TCF4: variants seen among roughly 807,000 people sequenced by gnomAD.
The protein encoded by TCF4 is SL3-3 enhancer factor 2.
TCF4 carries 3 observed loss-of-function variants against 82.1 expected under a neutral mutation model. The observed-to-expected ratio is 0.04, with a 90% CI of 0.02 to 0.09. The LOEUF (loss-of-function observed/expected upper bound fraction) is 0.09, where lower values mean the gene tolerates loss of function less well. Ranked by LOEUF, TCF4 falls within the 10% of genes least tolerant of loss-of-function variation. TCF4 has a pLI of 1.00. For missense variants in TCF4, 518 were observed against 852.7 expected (o/e 0.61, Z 4.89); for synonymous variants, 276 against 309.6 (o/e 0.89, Z 1.14).
intron 5 of TCF4, among the ~76,000 whole-genome samples, chr18:55,425,576 T>C (rs2094945099): frequency 6.6e-6 from 1 of 151,900 alleles, no homozygotes; most frequent in African/African-American, 2.4e-5. Context: ...GGGATCACCT[T>C]GTGTTTTGAA....
intron 5 of TCF4, among the ~76,000 whole-genome samples, chr18:55,413,782 A>T (rs2094437755): frequency 1.3e-5 from 2 of 152,234 alleles, no homozygotes; most frequent in Admixed American, 6.5e-5. Context: ...TATAAAAAGT[A>T]TGCAAGAAAA....
At chr18:55,510,759 C>T (rs529023852) in intron 3 of TCF4, 1 of 1,293,828 alleles carries the variant, frequency 7.7e-7, no homozygotes, top group African/African-American at 1.5e-5. Flanking sequence ...GGAAACAGAA[C>T]ATGAGTTAAT....
chr18:55,307,958 C>T (rs1685089910), intron 8 of TCF4, among the ~76,000 whole-genome samples: 1 of 152,242 alleles, frequency 6.6e-6, no homozygotes, highest in Admixed American at 6.5e-5. Flanking sequence ...TAGCCTAGGG[C>T]TAGCCCATTC....
chr18:55,418,845 A>T (rs1217828491), intron 5 of TCF4, among the ~76,000 whole-genome samples: 1 of 152,194 alleles, frequency 6.6e-6, no homozygotes, highest in Non-Finnish European at 1.5e-5. Flanking sequence ...AAAAGTAGCC[A>T]AATTCTTTGG....
At chr18:55,520,856 A>G (rs534861346) in intron 3 of TCF4, among the ~76,000 whole-genome samples, 1 of 152,232 alleles carries the variant, frequency 6.6e-6, no homozygotes, top group Non-Finnish European at 1.5e-5. Context: ...ATTTATGTAG[A>G]AAGATTTCAC....
intron 3 of TCF4, among the ~76,000 whole-genome samples, chr18:55,488,947 A>G (rs1029665955): frequency 1.3e-5 from 2 of 152,086 alleles, no homozygotes; most frequent in African/African-American, 4.8e-5. Flanking sequence ...TAATCCTCCA[A>G]TTTACCCCAC....
intron 5 of TCF4, among the ~76,000 whole-genome samples, chr18:55,412,214 C>T (rs978471675): frequency 2.6e-5 from 4 of 152,086 alleles, no homozygotes; most frequent in Admixed American, 1.3e-4. Context: ...CACCTATTTA[C>T]GCAGAGTTTT....
At chr18:55,538,024 G>GTGCACA (rs2097133106) in intron 3 of TCF4, among the ~76,000 whole-genome samples, 1 of 125,610 alleles carries the variant, frequency 8.0e-6, no homozygotes, top group East Asian at 3.5e-4. Context: ...GTCTGCGCGC[G>GTGCACA]CGCACACACA....
At chr18:55,272,322 A>G (rs1046787075) in intron 10 of TCF4, among the ~76,000 whole-genome samples, 3 of 152,122 alleles carry the variant, frequency 2.0e-5, no homozygotes, top group Admixed American at 6.6e-5. Flanking sequence ...TCATTCAGAG[A>G]TGTAATAAAT....
chr18:55,243,254 T>C (rs1599854665), intron 15 of TCF4, among the ~76,000 whole-genome samples: 1 of 152,348 alleles, frequency 6.6e-6, no homozygotes, highest in African/African-American at 2.4e-5. Context: ...TGTGTTAACA[T>C]GTGTTTTCAT....
At chr18:55,256,273 T>G (rs1439618291) in intron 14 of TCF4, among the ~76,000 whole-genome samples, 1 of 152,144 alleles carries the variant, frequency 6.6e-6, no homozygotes, top group East Asian at 1.9e-4. Context: ...ACACCCCGTC[T>G]TTACAGTTCT....
In TCF4 at chr18:55,225,324, T is replaced by C. The variant is rs1051733702; in HGVS notation, c.*2711A>G. ...TATAAAGCACCAATTTAAAAAATAATCAAATGACTACAATTTACTTTTTTG... is the reference window on the plus strand; with the variant it reads ...TATAAAGCACCAATTTAAAAAATAACCAAATGACTACAATTTACTTTTTTG... On this transcript the variant is annotated 3_prime_UTR_variant, in exon 20 of 20. Coordinates refer to ENST00000354452, the MANE Select transcript of TCF4 (RefSeq NM_001083962.2). 6.6e-6 allele frequency: 1 copy of C among 152,122 alleles called. No homozygotes were observed. Among genetic ancestry groups the C allele is most frequent in the Admixed American group, 6.6e-5 (1 of 15,210 alleles). 9.4% of individuals were successfully genotyped at this position (152,122 alleles called of 1,614,324 possible). A position where few individuals can be genotyped will look rare whatever the true frequency, so the allele number is the denominator to read the frequency against.
chr18:55,573,998 G>T (rs2097502852), intron 3 of TCF4, among the ~76,000 whole-genome samples: 1 of 152,166 alleles, frequency 6.6e-6, no homozygotes, highest in South Asian at 2.1e-4. Flanking sequence ...AGATAAGCAT[G>T]TATATCTAGT....
rs796612187 is a variant in TCF4, at chr18:55,505,725, A to G, written c.146-41588T>C. Among the ~76,000 whole-genome samples the G allele has an allele frequency of 7.6e-3, 1,125 of 147,922 alleles. 23 individuals are homozygous for G. The highest frequency in any genetic ancestry group is 0.026 in the African/African-American group (1,065 of 40,292). On this transcript the variant is annotated intron_variant, in intron 3 of 19. Coordinates refer to ENST00000354452, the MANE Select transcript of TCF4 (RefSeq NM_001083962.2). The stretch of plus-strand genomic sequence containing the variant: ...GGGCTGAGGCAGGAGAATGGCGTGA[A>G]CCCGGGAGGCGGAGCTTGCAGTGAG...
At chr18:55,584,019 A>C (rs566521174) in intron 3 of TCF4, among the ~76,000 whole-genome samples, 2 of 152,248 alleles carry the variant, frequency 1.3e-5, no homozygotes, top group East Asian at 1.9e-4. Flanking sequence ...TGTGCACCAG[A>C]AAACTAAAAT....
At chr18:55,622,545 TATC>T (rs1045337675) in intron 2 of TCF4, among the ~76,000 whole-genome samples, 4 of 151,864 alleles carry the variant, frequency 2.6e-5, no homozygotes, top group African/African-American at 9.7e-5. Flanking sequence ...TTGTTTAGTT[TATC>T]ATAATAGTGA....
chr18:55,459,486 G>A lies in TCF4; in HGVS notation c.304+1533C>T, dbSNP rs1334205151. Among the ~76,000 whole-genome samples, 5 of 152,140 alleles carry A rather than the reference G, an allele frequency of 3.3e-5. No individual in the cohort carries two copies. The East Asian group carries it at 7.7e-4, about 23-fold the overall frequency. On this transcript the variant is annotated intron_variant, in intron 5 of 19. Coordinates refer to ENST00000354452, the MANE Select transcript of TCF4 (RefSeq NM_001083962.2). ...TTTTTCTTACTGTAGCTCATTGGAG[G>A]ATCATTTTAGGATCCAAGGAAGTTA...
chr18:55,238,807 C>T (rs2050316398), intron 15 of TCF4, among the ~76,000 whole-genome samples: 1 of 152,114 alleles, frequency 6.6e-6, no homozygotes, highest in South Asian at 2.1e-4. Context: ...TGGTTCTGTA[C>T]CTCCTGCTAA....
At chr18:55,429,501 G>C (rs568763743) in intron 5 of TCF4, among the ~76,000 whole-genome samples, 1 of 152,224 alleles carries the variant, frequency 6.6e-6, no homozygotes, top group South Asian at 2.1e-4. Context: ...GATGGCTCAC[G>C]CCTGTAATCC....
Sources: gnomAD v4.1 joint callset for allele counts (sites outside exome capture counted in the v4.1 genomes callset) on GRCh38, gnomAD v4.1.1 for gene constraint, MANE v1.5 for transcripts, NCBI Gene and HGNC (gene_info 2026-07-23, HGNC 2026-07-21) for gene names.